The following TRPC4 variants were observed in gnomAD, a reference collection of about 807,000 sequenced individuals.
TRPC4 encodes transient receptor potential cation channel subfamily C member 4, also known as short transient receptor potential channel 4.
In TRPC4, 49 loss-of-function variants were observed where a neutral mutation model predicts 99.4. That is an observed-to-expected ratio of 0.49 (90% confidence interval 0.39 to 0.63). The LOEUF is 0.63. Among genes scored for constraint, TRPC4 ranks in the 20% least tolerant of loss-of-function variants. The pLI, the probability that TRPC4 is intolerant of heterozygous loss-of-function variation, is 0.00. For synonymous variants in TRPC4, 454 were observed against 425.9 expected (o/e 1.07, Z -0.81); for missense variants, 898 against 1,152.9 (o/e 0.78, Z 3.20).
At chr13:37,743,949 A>C (rs1254875292) in intron 3 of TRPC4, among the ~76,000 whole-genome samples, 1 of 152,162 alleles carries the variant, frequency 6.6e-6, no homozygotes, top group Non-Finnish European at 1.5e-5. Context: ...TGCAGGCAAA[A>C]AATAAATCTG....
chr13:37,685,631 T>G (rs1405111576), intron 4 of TRPC4, among the ~76,000 whole-genome samples: 2 of 152,122 alleles, frequency 1.3e-5, no homozygotes, highest in Non-Finnish European at 2.9e-5. Flanking sequence ...ACTTTGACTC[T>G]TTCTTTCTTG....
At chr13:37,795,041 T>C (rs1957211773) in intron 1 of TRPC4, among the ~76,000 whole-genome samples, 1 of 152,188 alleles carries the variant, frequency 6.6e-6, no homozygotes, top group Non-Finnish European at 1.5e-5. Context: ...ATTTTTTACT[T>C]CTAAAAATAA....
chr13:37,725,158 AC>A (rs1955009034), intron 3 of TRPC4, among the ~76,000 whole-genome samples: 1 of 152,130 alleles, frequency 6.6e-6, no homozygotes, highest in Non-Finnish European at 1.5e-5. Context: ...AAATTAGTGA[AC>A]TTGAAGATAA....
chr13:37,677,672 A>G (rs1435024444), intron 4 of TRPC4, among the ~76,000 whole-genome samples: 1 of 152,174 alleles, frequency 6.6e-6, no homozygotes. Context: ...CATAACTATT[A>G]AAACTGAAAC....
chr13:37,771,546 A>G (rs1053010422), intron 2 of TRPC4, among the ~76,000 whole-genome samples: 1 of 137,792 alleles, frequency 7.3e-6, no homozygotes, highest in African/African-American at 3.1e-5. Flanking sequence ...TTATGAAGGT[A>G]TAGTGTGCAT....
chr13:37,865,162 A>G (rs1213577319), intron 1 of TRPC4, among the ~76,000 whole-genome samples: 3 of 151,790 alleles, frequency 2.0e-5, no homozygotes, highest in Non-Finnish European at 4.4e-5. Context: ...TTTGGGATGC[A>G]TGAATGAGAG....
chr13:37,649,517 G>A (rs1054527277), intron 8 of TRPC4, among the ~76,000 whole-genome samples: 2 of 151,774 alleles, frequency 1.3e-5, no homozygotes, highest in African/African-American at 4.8e-5. Flanking sequence ...GGCAGATTAC[G>A]AGGTCAGGAG....
chr13:37,744,126 C>T (rs1245783244), intron 3 of TRPC4, among the ~76,000 whole-genome samples: 1 of 152,074 alleles, frequency 6.6e-6, no homozygotes, highest in African/African-American at 2.4e-5. Context: ...AAGAGAAAAT[C>T]TTTGCAATCA....
intron 1 of TRPC4, among the ~76,000 whole-genome samples, chr13:37,816,128 C>T (rs1214719332): frequency 1.3e-5 from 2 of 151,682 alleles, no homozygotes; most frequent in African/African-American, 4.8e-5. Context: ...ACATTTACAG[C>T]ACTAAAAGCA....
chr13:37,843,270 A>G (rs1336336673), intron 1 of TRPC4, among the ~76,000 whole-genome samples: 1 of 152,230 alleles, frequency 6.6e-6, no homozygotes, highest in African/African-American at 2.4e-5. Flanking sequence ...CATAGGGCCA[A>G]CCACAGACTA....
chr13:37,849,998 A>T (rs942339388), intron 1 of TRPC4, among the ~76,000 whole-genome samples: 1 of 152,248 alleles, frequency 6.6e-6, no homozygotes, highest in Non-Finnish European at 1.5e-5. Flanking sequence ...TGGTTAAATC[A>T]GAAACAATGT....
At chr13:37,647,686 G>T (rs1951892759) in intron 8 of TRPC4, among the ~76,000 whole-genome samples, 1 of 152,168 alleles carries the variant, frequency 6.6e-6, no homozygotes, top group African/African-American at 2.4e-5. Flanking sequence ...GATCCCTTTG[G>T]GGTATAATGG....
chr13:37,726,056 C>T (rs188653044), intron 3 of TRPC4, among the ~76,000 whole-genome samples: 1 of 151,886 alleles, frequency 6.6e-6, no homozygotes, highest in Non-Finnish European at 1.5e-5. Flanking sequence ...ATTCACCAGG[C>T]TTGGTGGTGG....
At position 37,716,107 on chromosome 13, in the gene TRPC4, CT is replaced by C. The variant is rs34592435; in HGVS notation, c.898-23773del. On this transcript the variant is annotated intron_variant, in intron 3 of 10. Coordinates refer to ENST00000379705, the MANE Select transcript of TRPC4 (RefSeq NM_016179.4). Reference sequence around the variant, plus strand: ...TTACAGACTAAGAGAAACATGAAAACTTTTTTTTCTCCTTGCTGCAAATCAA... The same window carrying C: ...TTACAGACTAAGAGAAACATGAAAACTTTTTTTCTCCTTGCTGCAAATCAA... Among the ~76,000 whole-genome samples, 912 of 151,512 alleles carry C rather than the reference CT, an allele frequency of 6.0e-3. 11 individuals are homozygous for C. The highest frequency in any genetic ancestry group is 0.021 in the African/African-American group (880 of 41,410).
intron 1 of TRPC4, among the ~76,000 whole-genome samples, chr13:37,803,173 C>A (rs1255621764): frequency 6.6e-6 from 1 of 151,856 alleles, no homozygotes; most frequent in Non-Finnish European, 1.5e-5. Context: ...TTATTGAGAA[C>A]TTATTCACTT....
chr13:37,663,545 A>G lies in TRPC4; in HGVS notation c.1559T>C (p.Leu520Pro). The G allele has an allele frequency of 6.2e-7, 1 of 1,614,242 alleles. No individual in the cohort carries two copies. Among genetic ancestry groups the G allele is most frequent in the Non-Finnish European group, 8.5e-7 (1 of 1,180,030 alleles). ...GRMLLDILKF[L>P]FIYCLVLLAF... ...TAGCAACACAAGGCAGTATATGAAT[A>G]GAAACTTCAAAATGTCCAGGAGCAT... Residue 520 changes from leucine to proline, a missense_variant, in exon 6 of 11, where the codon CTA becomes CCA. By Grantham distance (98) the Leu-to-Pro change is moderately conservative (BLOSUM62 -3). Transcript: ENST00000379705.
chr13:37,748,475 AT>A (rs1195916809), intron 2 of TRPC4, among the ~76,000 whole-genome samples: 8 of 151,210 alleles, frequency 5.3e-5, no homozygotes, highest in South Asian at 2.1e-4. Flanking sequence ...AATGGCATAC[AT>A]TTTTTTTCAA....
rs1014079382 is a variant in TRPC4, at chr13:37,635,442, G to A, written c.*1461C>T. Reference sequence around the variant, plus strand: ...TTAACAGGTGTATAGGAATAGAACAGAGGCTGGCATTGTTATTGCTGTTAT... The same window carrying A: ...TTAACAGGTGTATAGGAATAGAACAAAGGCTGGCATTGTTATTGCTGTTAT... On this transcript the variant is annotated 3_prime_UTR_variant, in exon 11 of 11. Transcript: ENST00000379705. Among the ~76,000 whole-genome samples, 4 of 152,134 alleles carry A rather than the reference G, an allele frequency of 2.6e-5. No individual in the cohort carries two copies. Among genetic ancestry groups the A allele is most frequent in the Non-Finnish European group, 4.4e-5 (3 of 68,014 alleles).
At chr13:37,752,807 A>G (rs1031816334) in intron 2 of TRPC4, among the ~76,000 whole-genome samples, 7 of 152,136 alleles carry the variant, frequency 4.6e-5, no homozygotes, top group African/African-American at 1.4e-4. Context: ...AAAAAAAATA[A>G]AGAAGATAAC....
Sources: allele counts gnomAD v4.1 joint callset (sites outside exome capture counted in the v4.1 genomes callset), GRCh38; gene constraint gnomAD v4.1.1; transcripts MANE v1.5; gene names NCBI Gene and HGNC (gene_info 2026-07-23, HGNC 2026-07-21).